ZNF33B: variants seen among roughly 807,000 people sequenced by gnomAD.
ZNF33B encodes the protein zinc finger protein 11b (KOX 2).
In ZNF33B, 29 loss-of-function variants were observed where a neutral mutation model predicts 45.8. That is an observed-to-expected ratio of 0.63 (90% CI 0.47 to 0.86). The LOEUF is 0.86. Ranked by LOEUF, ZNF33B falls within the 40% of genes least tolerant of loss-of-function variation. The pLI is 0.00. For synonymous variants in ZNF33B, 305 were observed against 307.8 expected (o/e 0.99, Z 0.10); for missense variants, 831 against 909.9 (o/e 0.91, Z 1.12).
intron 4 of ZNF33B, among the ~76,000 whole-genome samples, chr10:42,626,886 C>T (rs1327902251): frequency 1.3e-5 from 2 of 151,878 alleles, no homozygotes; most frequent in Non-Finnish European, 2.9e-5. Context: ...GTATTTGATT[C>T]AAATTAAGTC....
At chr10:42,615,474 G>T (rs914225720) in intron 4 of ZNF33B, among the ~76,000 whole-genome samples, 5 of 152,170 alleles carry the variant, frequency 3.3e-5, no homozygotes, top group African/African-American at 1.2e-4. Flanking sequence ...GGCAGAAAAG[G>T]TCACATGCAG....
In ZNF33B at chr10:42,591,444, G is replaced by A. The variant is rs1204177607; in HGVS notation, c.*1169C>T. The A allele has an allele frequency of 3.3e-5, 10 of 301,770 alleles. No individual in the cohort carries two copies. The highest frequency in any genetic ancestry group is 4.9e-5 in the Non-Finnish European group (10 of 205,154). The allele number at this position is 301,770 out of a possible 1,614,324, so 18.7% of individuals were successfully genotyped here. ...GGATAGATTTTTTTTCAGATAATCT[G>A]TTATTTTGATTTATAACTTTTAAAT... On this transcript the variant is annotated 3_prime_UTR_variant, in exon 5 of 5. Transcript: ENST00000359467.
chr10:42,595,582 TTTAAGGAGA>T (rs1196123957), intron 4 of ZNF33B, among the ~76,000 whole-genome samples: 11 of 152,130 alleles, frequency 7.2e-5, no homozygotes, highest in Admixed American at 7.2e-4. Context: ...AGATGGGGAC[TTTAAGGAGA>T]TTAACTAAGG....
In ZNF33B at chr10:42,612,233, AT is replaced by A. The variant is rs59259404; in HGVS notation, c.251-17535del. On this transcript the variant is annotated intron_variant, in intron 4 of 4. Coordinates refer to ENST00000359467, the MANE Select transcript of ZNF33B (RefSeq NM_006955.3). ...TTGACGTGGCAGGTTACAGAAGTTG[AT>A]TTTTTTTTTTTTTTTTTTTGAGACA... Among the ~76,000 whole-genome samples the A allele has an allele frequency of 4.3e-3, 516 of 119,324 alleles. 1 individual carries two copies. Among genetic ancestry groups the A allele is most frequent in the African/African-American group, 5.2e-3 (159 of 30,350 alleles). 78.3% of individuals were successfully genotyped at this position (119,324 alleles called of 152,430 possible). A position where few individuals can be genotyped will look rare whatever the true frequency, so the allele number is the denominator to read the frequency against.
chr10:42,588,655 G>T (rs908035350), downstream of ZNF33B, among the ~76,000 whole-genome samples: 7 of 152,202 alleles, frequency 4.6e-5, no homozygotes, highest in Non-Finnish European at 1.0e-4. Flanking sequence ...AGCCACAAAG[G>T]GTTCCACTTG....
At chr10:42,635,450 C>T (rs978435978) in intron 2 of ZNF33B, among the ~76,000 whole-genome samples, 3 of 152,042 alleles carry the variant, frequency 2.0e-5, no homozygotes, top group African/African-American at 7.2e-5. Context: ...ATTATTTGCG[C>T]CATGGATTTG....
At chr10:42,632,116 G>C (rs772149887) in intron 3 of ZNF33B, 92 bp from the exon 4 acceptor site, 15 of 1,496,858 alleles carry the variant, frequency 1.0e-5, no homozygotes, top group African/African-American at 1.4e-5. Context: ...GCTTCAAGTT[G>C]CCAGTGGAAC....
intron 4 of ZNF33B, among the ~76,000 whole-genome samples, chr10:42,630,787 T>C (rs527327232): frequency 6.6e-6 from 1 of 152,314 alleles, no homozygotes; most frequent in Admixed American, 6.5e-5. Flanking sequence ...CAGATGTTGC[T>C]CATCTGCTGA....
At chr10:42,581,085 C>T (rs1836814979) in intron 1 of ZNF33B, among the ~76,000 whole-genome samples, 1 of 151,814 alleles carries the variant, frequency 6.6e-6, no homozygotes, top group Non-Finnish European at 1.5e-5. Flanking sequence ...CTGAGTAAGC[C>T]CTGGGATACA....
At chr10:42,631,789 A>G in intron 4 of ZNF33B, 140 bp downstream of exon 4, 1 of 695,030 alleles carries the variant, frequency 1.4e-6, no homozygotes, top group African/African-American at 1.8e-5. Context: ...TTTAGCAATC[A>G]GTATTCTCCA....
intron 4 of ZNF33B, among the ~76,000 whole-genome samples, chr10:42,621,587 T>C (rs1403951797): frequency 2.0e-5 from 3 of 151,510 alleles, no homozygotes; most frequent in Admixed American, 6.6e-5. Context: ...ACTTCATTAA[T>C]AAAACAAGTA....
rs375770668 is a variant in ZNF33B at position 42,594,679 on chromosome 10, G to A, written c.271C>T (p.Leu91=). 72 of 1,585,226 alleles carry A rather than the reference G, an allele frequency of 4.5e-5. No individual in the cohort carries two copies. The highest frequency in any genetic ancestry group is 1.5e-4 in the South Asian group (13 of 85,310). The change falls in exon 5 of 5, where the codon CTG becomes TTG. Residue 91 remains leucine (L), a synonymous_variant. Transcript: ENST00000359467. ...SFPEVWTADH[L]KERSQENQSK... is the part of the protein sequence containing the mutation. ...TGATTTTCTTGGCTCCTCTCTTTCA[G>A]GTGATCAGCTGTCCAGACTTCTACA...
chr10:42,592,614 C>T lies in ZNF33B; in HGVS notation c.2336G>A (p.Ter779=). 2 of 1,609,978 alleles carry T rather than the reference C, an allele frequency of 1.2e-6. No individual in the cohort carries two copies. The highest frequency in any genetic ancestry group is 8.5e-7 in the Non-Finnish European group (1 of 1,177,842). The change falls in exon 5 of 5, where the codon TGA becomes TAA. Residue 779 remains the stop codon, a stop_retained_variant. Transcript: ENST00000359467. Reference sequence around the variant, plus strand: ...GGCTGGAAATTTCTAATATCCAATTCATTCATAAGGTTTTTCTCCTATGTG... The same window carrying T: ...GGCTGGAAATTTCTAATATCCAATTTATTCATAAGGTTTTTCTCCTATGTG... ...RTHIGEKPYE[*] is the part of the protein sequence containing the mutation.
intron 2 of ZNF33B, chr10:42,636,679 G>T: frequency 1.9e-6 from 1 of 536,174 alleles, no homozygotes; most frequent in Non-Finnish European, 3.3e-6. Context: ...AATTAGCCAG[G>T]CGTGGCGGCC....
chr10:42,632,509 C>G, intron 2 of ZNF33B, 70 bp from the exon 3 acceptor site: 1 of 1,546,998 alleles, frequency 6.5e-7, no homozygotes, highest in Non-Finnish European at 8.7e-7. Flanking sequence ...TTATTATTCA[C>G]AGAATATTTG....
chr10:42,626,275 C>T (rs1454238590), intron 4 of ZNF33B, among the ~76,000 whole-genome samples: 2 of 152,050 alleles, frequency 1.3e-5, no homozygotes, highest in Non-Finnish European at 2.9e-5. Context: ...TTTCTATTTG[C>T]TAGTGTTTTG....
downstream of ZNF33B, among the ~76,000 whole-genome samples, chr10:42,586,108 C>T (rs1339056229): frequency 6.6e-6 from 1 of 150,802 alleles, no homozygotes; most frequent in Non-Finnish European, 1.5e-5. Context: ...TCCAAACCCA[C>T]TGTTTACTTC....
At chr10:42,598,729 C>G (rs559636883) in intron 4 of ZNF33B, among the ~76,000 whole-genome samples, 2 of 152,258 alleles carry the variant, frequency 1.3e-5, no homozygotes, top group African/African-American at 2.4e-5. Context: ...GTTGAAAAAG[C>G]CTGCCAGGGA....
At chr10:42,602,035 C>G (rs1837650721) in intron 4 of ZNF33B, among the ~76,000 whole-genome samples, 1 of 150,976 alleles carries the variant, frequency 6.6e-6, no homozygotes, top group Non-Finnish European at 1.5e-5. Flanking sequence ...CCTCCCACCT[C>G]AGCCTCCCAA....
Sources: allele counts gnomAD v4.1 joint callset (sites outside exome capture counted in the v4.1 genomes callset), GRCh38; gene constraint gnomAD v4.1.1; transcripts MANE v1.5; gene names NCBI Gene and HGNC (gene_info 2026-07-23, HGNC 2026-07-21).